Variants in EXOC6B observed in about 807,000 individuals in gnomAD.
EXOC6B encodes the protein SEC15 homolog B.
In EXOC6B, 54 loss-of-function variants were observed where a neutral mutation model predicts 113.5. That is an observed-to-expected ratio of 0.48 (90% CI 0.38 to 0.60). The LOEUF is 0.60. Ranked by LOEUF, EXOC6B falls within the 20% of genes least tolerant of loss-of-function variation. The pLI is 0.00. For synonymous variants in EXOC6B, 357 were observed against 339.0 expected, an observed-to-expected ratio of 1.05 and a Z score of -0.58; for missense variants, 797 against 977.5, an observed-to-expected ratio of 0.82 and a Z score of 2.46.
chr2:72,282,627 C>G (rs1015602770), intron 20 of EXOC6B, among the ~76,000 whole-genome samples: 3 of 151,870 alleles, frequency 2.0e-5, no homozygotes, highest in African/African-American at 7.3e-5. Flanking sequence ...AAAAGCAGAC[C>G]TTATTAGAAC....
chr2:72,611,570 C>A (rs765614309), intron 6 of EXOC6B, among the ~76,000 whole-genome samples: 6 of 152,144 alleles, frequency 3.9e-5, no homozygotes, highest in Non-Finnish European at 8.8e-5. Context: ...GTACTAATTT[C>A]TCAGTTTTGA....
intron 8 of EXOC6B, among the ~76,000 whole-genome samples, chr2:72,546,055 A>G (rs1702881436): frequency 1.3e-5 from 2 of 152,344 alleles, no homozygotes; most frequent in South Asian, 4.1e-4. Flanking sequence ...CTATACCAGT[A>G]GAAATCTTCA....
intron 18 of EXOC6B, among the ~76,000 whole-genome samples, chr2:72,449,481 A>AT (rs61544524): frequency 0.018 from 2,494 of 139,020 alleles, 29 homozygotes; most frequent in Middle Eastern, 0.038. Context: ...AGCATTGTCA[A>AT]TTTTTTTTTT....
At chr2:72,380,410 C>T (rs889880310) in intron 18 of EXOC6B, among the ~76,000 whole-genome samples, 10 of 152,056 alleles carry the variant, frequency 6.6e-5, no homozygotes, top group Non-Finnish European at 1.3e-4. Flanking sequence ...GAGGCCGAGG[C>T]GGGCAGATCA....
chr2:72,212,228 C>T (rs1238142124), intron 20 of EXOC6B, among the ~76,000 whole-genome samples: 1 of 152,152 alleles, frequency 6.6e-6, no homozygotes, highest in Non-Finnish European at 1.5e-5. Flanking sequence ...ACATTGTTTT[C>T]AAAGGGTGTA....
chr2:72,347,317 A>G (rs1443529461), intron 19 of EXOC6B, among the ~76,000 whole-genome samples: 3 of 152,214 alleles, frequency 2.0e-5, no homozygotes, highest in Admixed American at 6.6e-5. Context: ...CTGGTGTTCC[A>G]AAGCAGTAAC....
At chr2:72,302,261 T>C (rs1378714820) in intron 20 of EXOC6B, among the ~76,000 whole-genome samples, 2 of 152,216 alleles carry the variant, frequency 1.3e-5, no homozygotes, top group African/African-American at 2.4e-5. Context: ...TGTTCGATTG[T>C]GTGGTCAATT....
chr2:72,643,941 G>A (rs974634554), intron 6 of EXOC6B, among the ~76,000 whole-genome samples: 1 of 152,118 alleles, frequency 6.6e-6, no homozygotes, highest in Non-Finnish European at 1.5e-5. Flanking sequence ...GCTGGATGGA[G>A]AATGACTTTG....
At chr2:72,817,425 G>C (rs1367713135) in intron 1 of EXOC6B, among the ~76,000 whole-genome samples, 1 of 152,172 alleles carries the variant, frequency 6.6e-6, no homozygotes, top group Non-Finnish European at 1.5e-5. Context: ...CAGTTAATCT[G>C]CAAATCAGTT....
chr2:72,381,044 G>A (rs969153279), intron 18 of EXOC6B, among the ~76,000 whole-genome samples: 19 of 152,156 alleles, frequency 1.2e-4, no homozygotes, highest in African/African-American at 4.3e-4. Flanking sequence ...TTTAAGCCCC[G>A]GTGTGACCTC....
intron 6 of EXOC6B, among the ~76,000 whole-genome samples, chr2:72,662,251 T>C (rs1246192968): frequency 6.6e-6 from 1 of 152,084 alleles, no homozygotes; most frequent in Non-Finnish European, 1.5e-5. Flanking sequence ...TGGAAGAAAA[T>C]CTTCATGTCC....
At chr2:72,375,274 G>A (rs1691287552) in intron 19 of EXOC6B, among the ~76,000 whole-genome samples, 1 of 152,078 alleles carries the variant, frequency 6.6e-6, no homozygotes, top group Non-Finnish European at 1.5e-5. Context: ...AAATCAGTAG[G>A]AATACAGGAG....
At chr2:72,640,919 T>C (rs1039441413) in intron 6 of EXOC6B, among the ~76,000 whole-genome samples, 3 of 152,188 alleles carry the variant, frequency 2.0e-5, no homozygotes, top group African/African-American at 7.2e-5. Context: ...GGAGAAGATC[T>C]AACTCTCCTA....
chr2:72,346,295 T>C (rs979907239), intron 19 of EXOC6B, among the ~76,000 whole-genome samples: 2 of 152,168 alleles, frequency 1.3e-5, no homozygotes, highest in Non-Finnish European at 2.9e-5. Context: ...TCCTTCCTGC[T>C]GCTGCTAAAT....
intron 8 of EXOC6B, among the ~76,000 whole-genome samples, chr2:72,538,687 T>C (rs1345930516): frequency 6.6e-6 from 1 of 152,154 alleles, no homozygotes. Context: ...GCCATAACAA[T>C]AAACCATGTG....
intron 1 of EXOC6B, among the ~76,000 whole-genome samples, chr2:72,817,030 CTCTT>C (rs1394591970): frequency 6.6e-6 from 1 of 152,140 alleles, no homozygotes; most frequent in Non-Finnish European, 1.5e-5. Context: ...AAACAAGTTT[CTCTT>C]TATCAAACCA....
At chr2:72,228,311 C>G (rs1222761266) in intron 20 of EXOC6B, among the ~76,000 whole-genome samples, 3 of 151,994 alleles carry the variant, frequency 2.0e-5, no homozygotes, top group African/African-American at 7.3e-5. Flanking sequence ...TACATGTGCA[C>G]AACGTGCAGG....
intron 19 of EXOC6B, among the ~76,000 whole-genome samples, chr2:72,340,961 TAAGG>T (rs1035310057): frequency 6.6e-6 from 1 of 151,674 alleles, no homozygotes; most frequent in African/African-American, 2.4e-5. Flanking sequence ...GGCCAGAACA[TAAGG>T]AAGTAAGAAC....
chr2:72,662,131 G>A lies in EXOC6B; in HGVS notation c.669+55972C>T, dbSNP rs1029121888. Among the ~76,000 whole-genome samples, 2 of 151,186 alleles carry A rather than the reference G, an allele frequency of 1.3e-5. 1 individual carries two copies. Among genetic ancestry groups the A allele is most frequent in the East Asian group, 3.9e-4 (2 of 5,154 alleles). ...GAGAAGGGGGGAGGGGGGAAAGGAA[G>A]AGAGGAAGTTGAGGAAAGAGAGAAA... is the stretch of plus-strand genomic sequence containing the variant. On this transcript the variant is annotated intron_variant, in intron 6 of 21. Transcript: ENST00000272427.
Sources: allele counts gnomAD v4.1 joint callset (sites outside exome capture counted in the v4.1 genomes callset), GRCh38; gene constraint gnomAD v4.1.1; transcripts MANE v1.5; gene names NCBI Gene and HGNC (gene_info 2026-07-23, HGNC 2026-07-21).